Variants in SORBS2 observed in about 807,000 individuals in gnomAD.
SORBS2 encodes the protein sorbin and SH3 domain-containing protein 2.
A neutral mutation model predicts 97.7 loss-of-function variants in SORBS2; 46 were observed. The ratio of observed to expected loss-of-function variants is 0.47; its 90% confidence interval spans 0.37 to 0.60. SORBS2 has a LOEUF of 0.60. Ranked by LOEUF, SORBS2 falls within the 20% of genes least tolerant of loss-of-function variation. The pLI, the probability that SORBS2 is intolerant of heterozygous loss-of-function variation, is 0.00. For synonymous variants in SORBS2, 476 were observed against 473.4 expected, an observed-to-expected ratio of 1.01 and a Z score of -0.07; for missense variants, 1,316 against 1,282.3, an observed-to-expected ratio of 1.03 and a Z score of -0.40.
chr4:185,752,205 T>C (rs886232590), intron 2 of SORBS2, among the ~76,000 whole-genome samples: 5 of 151,770 alleles, frequency 3.3e-5, no homozygotes, highest in Non-Finnish European at 5.9e-5. Context: ...TAAAAACAAA[T>C]GTAAGCAACA....
At chr4:185,941,885 G>A (rs1446562034) in intron 1 of SORBS2, among the ~76,000 whole-genome samples, 1 of 152,122 alleles carries the variant, frequency 6.6e-6, no homozygotes, top group Non-Finnish European at 1.5e-5. Context: ...GGAGGCCAAG[G>A]TGGGCAGTTT....
intron 4 of SORBS2, chr4:185,677,259 C>T: frequency 6.4e-7 from 1 of 1,551,906 alleles, no homozygotes; most frequent in Non-Finnish European, 8.7e-7. Context: ...AATGGGGCTG[C>T]TACTTCCTAG....
chr4:185,913,450 T>C (rs2099256432), intron 1 of SORBS2, among the ~76,000 whole-genome samples: 1 of 152,238 alleles, frequency 6.6e-6, no homozygotes, highest in Non-Finnish European at 1.5e-5. Context: ...AAGGATTCGC[T>C]GAGTGATTCT....
intron 2 of SORBS2, among the ~76,000 whole-genome samples, chr4:185,743,239 G>T (rs1014920525): frequency 2.6e-5 from 4 of 152,106 alleles, no homozygotes; most frequent in African/African-American, 9.7e-5. Flanking sequence ...ATGCTGCTTA[G>T]GGGAAATTTG....
At chr4:185,887,960 ATGTGTG>A (rs60130240) in intron 1 of SORBS2, among the ~76,000 whole-genome samples, 5 of 38,452 alleles carry the variant, frequency 1.3e-4, no homozygotes, top group Admixed American at 7.2e-4. Flanking sequence ...GTATATATAT[ATGTGTG>A]TGTGTGTGTG....
intron 12 of SORBS2, among the ~76,000 whole-genome samples, chr4:185,610,836 T>C (rs1025837145): frequency 6.6e-6 from 1 of 152,180 alleles, no homozygotes; most frequent in African/African-American, 2.4e-5. Context: ...ACTTAATACA[T>C]TTTTTGAATG....
In SORBS2 at chr4:185,684,775, A is replaced by G; in HGVS notation, c.-197-5953T>C. 1 of 1,551,816 alleles carries G rather than the reference A, an allele frequency of 6.4e-7. No homozygotes were observed. The highest frequency in any genetic ancestry group is 8.7e-7 in the Non-Finnish European group (1 of 1,146,928). ...ATACCTGCAGCCAATAGGTTTGGAG[A>G]ACTTTGCACTCTCTTCACAGATGTT... On this transcript the variant is annotated intron_variant, in intron 2 of 20. Coordinates refer to the SORBS2 transcript ENST00000284776. The surrounding 1 kb of genome is among the most constrained non-coding windows in gnomAD (Gnocchi z 4.2).
chr4:185,919,393 T>C (rs998675063), intron 1 of SORBS2: 1 of 152,190 alleles, frequency 6.6e-6, no homozygotes, highest in African/African-American at 2.4e-5. Flanking sequence ...AAGATGAACA[T>C]AGATTCAAGT....
At chr4:185,696,529 C>T (rs1394035075) in intron 2 of SORBS2, among the ~76,000 whole-genome samples, 2 of 152,168 alleles carry the variant, frequency 1.3e-5, no homozygotes, top group East Asian at 3.9e-4. Flanking sequence ...ATCTTGCCCA[C>T]TGCAACCTCT....
intron 1 of SORBS2, among the ~76,000 whole-genome samples, chr4:185,915,983 G>A (rs540141480): frequency 1.7e-4 from 26 of 152,278 alleles, no homozygotes; most frequent in East Asian, 3.9e-4. Context: ...CAAAGGGCCC[G>A]TGGTCATCAA....
At chr4:185,834,096 A>G (rs1469884685) in intron 1 of SORBS2, among the ~76,000 whole-genome samples, 1 of 152,222 alleles carries the variant, frequency 6.6e-6, no homozygotes, top group Non-Finnish European at 1.5e-5. Flanking sequence ...AACACAAAGT[A>G]TAAAATATAT....
intron 4 of SORBS2, among the ~76,000 whole-genome samples, chr4:185,632,163 G>A (rs903661001): frequency 5.3e-5 from 8 of 152,140 alleles, no homozygotes; most frequent in African/African-American, 1.4e-4. Context: ...TTGCAATTCT[G>A]TATGTATATC....
At chr4:185,732,310 CA>C (rs2098647323) in intron 2 of SORBS2, among the ~76,000 whole-genome samples, 1 of 152,162 alleles carries the variant, frequency 6.6e-6, no homozygotes, top group Non-Finnish European at 1.5e-5. Flanking sequence ...GGAAGAGCAT[CA>C]AAGTGTGACC....
At chr4:185,813,377 G>A (rs191491648) in intron 1 of SORBS2, among the ~76,000 whole-genome samples, 6 of 152,208 alleles carry the variant, frequency 3.9e-5, no homozygotes, top group Middle Eastern at 3.4e-3. Flanking sequence ...CTCCCCAACC[G>A]GATTCACATT....
chr4:185,746,313 C>CT (rs1389574457), intron 2 of SORBS2, among the ~76,000 whole-genome samples: 407 of 152,058 alleles, frequency 2.7e-3, no homozygotes, highest in African/African-American at 9.3e-3. Context: ...AGAGTTTCTT[C>CT]TTTTTCTTTT....
chr4:185,912,766 A>T (rs1472812473), intron 1 of SORBS2, among the ~76,000 whole-genome samples: 1 of 152,162 alleles, frequency 6.6e-6, no homozygotes, highest in Non-Finnish European at 1.5e-5. Flanking sequence ...GTAAACTTAC[A>T]TTTTTTGCTC....
At chr4:185,667,554 A>G (rs2097633090) in intron 4 of SORBS2, among the ~76,000 whole-genome samples, 3 of 152,128 alleles carry the variant, frequency 2.0e-5, no homozygotes, top group South Asian at 4.2e-4. Context: ...TCAGGGGGAC[A>G]GAGACACTCT....
At chr4:185,909,642 CT>C (rs2099253751) in intron 1 of SORBS2, among the ~76,000 whole-genome samples, 1 of 152,112 alleles carries the variant, frequency 6.6e-6, no homozygotes, top group Non-Finnish European at 1.5e-5. Context: ...GCCAAAGATT[CT>C]GAAGAATTAT....
At chr4:185,782,111 G>A (rs73873378) in intron 1 of SORBS2, among the ~76,000 whole-genome samples, 8,138 of 152,286 alleles carry the variant, frequency 0.053, 551 homozygotes, top group East Asian at 0.19. Flanking sequence ...AAGTTCTGCC[G>A]AAGGCATTAA....
Sources: gnomAD v4.1 joint callset for allele counts (sites outside exome capture counted in the v4.1 genomes callset) on GRCh38, gnomAD v4.1.1 for gene constraint, Gnocchi (gnomAD v3.1) non-coding constraint, MANE v1.5 for transcripts, NCBI Gene and HGNC (gene_info 2026-07-23, HGNC 2026-07-21) for gene names.